Variants in SRGAP2B observed in about 807,000 individuals in gnomAD.
SRGAP2B encodes SLIT-ROBO Rho GTPase activating protein 2B.
A neutral mutation model predicts 22.2 loss-of-function variants in SRGAP2B; 9 were observed. The observed-to-expected ratio is 0.41, with a 90% CI of 0.24 to 0.71. SRGAP2B has a LOEUF of 0.71. SRGAP2B is among the 30% of genes least tolerant of loss of function. The pLI is 0.35. For missense variants in SRGAP2B, 114 were observed against 235.8 expected (o/e 0.48, Z 3.38); for synonymous variants, 36 against 87.4 (o/e 0.41, Z 3.28).
chr1:144,911,619 A>ATTTT (rs1319087786), intron 5 of SRGAP2B, among the ~76,000 whole-genome samples: 1 of 135,648 alleles, frequency 7.4e-6, no homozygotes, highest in African/African-American at 2.9e-5. Context: ...CTGAACTGCT[A>ATTTT]TTTTTTTTTT....
chr1:144,970,659 A>AC (rs1331560464), intron 3 of SRGAP2B, among the ~76,000 whole-genome samples: 5 of 145,802 alleles, frequency 3.4e-5, no homozygotes, highest in Non-Finnish European at 7.5e-5. Context: ...AAAAAAAAAA[A>AC]GCATGATTCA....
rs880000002 is a variant in SRGAP2B, at chr1:145,041,891, ATTGTTGG to A, written c.68-46698_68-46692del. On this transcript the variant is annotated intron_variant, in intron 2 of 9. Transcript: ENST00000612199. ...AGGTACTCAGCATAGTACCAGGCAC[ATTGTTGG>A]TGTTCCATGAATGTAGAATGAAATT... Among the ~76,000 whole-genome samples the A allele has an allele frequency of 4.3e-3, 598 of 139,096 alleles. 13 individuals carry two copies. Among genetic ancestry groups the A allele is most frequent in the Admixed American group, 7.7e-3 (112 of 14,484 alleles). 91.3% of individuals were successfully genotyped at this position (139,096 alleles called of 152,430 possible). A position where few individuals can be genotyped will look rare whatever the true frequency, so the allele number is the denominator to read the frequency against.
chr1:145,025,041 T>C (rs1166659944), intron 2 of SRGAP2B, among the ~76,000 whole-genome samples: 1 of 138,662 alleles, frequency 7.2e-6, no homozygotes, highest in African/African-American at 2.9e-5. Flanking sequence ...TTTACGAAAA[T>C]GAAGAGTTCC....
chr1:145,076,300 T>C lies in SRGAP2B; in HGVS notation c.67+16535A>G, dbSNP rs587635133. 2.2e-4 allele frequency among the ~76,000 whole-genome samples: 33 copies of C among 149,686 alleles called. 2 individuals carry two copies. In the South Asian group the frequency reaches 6.5e-3, roughly 30 times the overall value. ...CCTCAGCCTCCAGAGTAGCTGGGACTATAGGTACACATCACCATGCCTGGC... is the reference window on the plus strand; with the variant it reads ...CCTCAGCCTCCAGAGTAGCTGGGACCATAGGTACACATCACCATGCCTGGC... On this transcript the variant is annotated intron_variant, in intron 2 of 9. Coordinates refer to ENST00000612199, the Ensembl canonical transcript of SRGAP2B.
rs372772776 is a variant in SRGAP2B, at chr1:144,974,861, A to AGATGCTGATGCTGATGCT, written c.261-19278_261-19261dup. 1.4e-3 allele frequency among the ~76,000 whole-genome samples: 203 copies of AGATGCTGATGCTGATGCT among 148,498 alleles called. 1 individual carries two copies. Among genetic ancestry groups the AGATGCTGATGCTGATGCT allele is most frequent in the African/African-American group, 4.6e-3 (178 of 38,354 alleles). On this transcript the variant is annotated intron_variant, in intron 3 of 9. Coordinates refer to ENST00000612199, the Ensembl canonical transcript of SRGAP2B. ...AGACAATCATGGCCTACAGCTGAGC[A>AGATGCTGATGCTGATGCT]GATGCTGATGCTGATGCTGATGCTG...
intron 2 of SRGAP2B, among the ~76,000 whole-genome samples, chr1:145,035,753 G>GA (rs1166790390): frequency 5.2e-4 from 59 of 112,904 alleles, no homozygotes; most frequent in East Asian, 1.8e-3. Flanking sequence ...ACCTTTATAG[G>GA]AAAAAAAAAA....
At chr1:144,926,698 T>G (rs1216525191) in intron 4 of SRGAP2B, among the ~76,000 whole-genome samples, 538 of 141,616 alleles carry the variant, frequency 3.8e-3, no homozygotes, top group African/African-American at 0.012. Context: ...TTACAAAAAA[T>G]AAAAAATAAG....
chr1:145,015,146 G>A lies in SRGAP2B; in HGVS notation c.68-19946C>T, dbSNP rs1265747381. 1.6e-4 allele frequency among the ~76,000 whole-genome samples: 21 copies of A among 131,202 alleles called. 2 individuals carry two copies. The highest frequency in any genetic ancestry group is 1.3e-3 in the Admixed American group (17 of 12,954). 86.1% of individuals were successfully genotyped at this position (131,202 alleles called of 152,430 possible). ...GGCTGGAGTACAGTGGCATGATCTC[G>A]GCTCACTGCGGCCTCTGCCTCCTGG... is the stretch of plus-strand genomic sequence containing the variant. On this transcript the variant is annotated intron_variant, in intron 2 of 9. Transcript: ENST00000612199.
intron 2 of SRGAP2B, among the ~76,000 whole-genome samples, chr1:145,035,953 A>C (rs1648653229): frequency 1.4e-5 from 2 of 143,708 alleles, no homozygotes; most frequent in African/African-American, 2.6e-5. Flanking sequence ...AAAAAAAAAA[A>C]AACCCACGAT....
chr1:144,925,298 C>A, intron 4 of SRGAP2B, among the ~76,000 whole-genome samples: 1 of 148,340 alleles, frequency 6.7e-6, no homozygotes, highest in East Asian at 2.0e-4. Flanking sequence ...AGCCACCATG[C>A]CCAGCCTGGA....
exon 4 of SRGAP2B, chr1:144,955,477 C>G (rs1667187856): frequency 6.8e-7 from 1 of 1,465,312 alleles, no homozygotes; most frequent in Non-Finnish European, 9.3e-7. Flanking sequence ...CTGACTTGTA[C>G]AAATCGAGGA....
At chr1:144,916,079 CT>C (rs1327558405) in intron 4 of SRGAP2B, among the ~76,000 whole-genome samples, 1 of 149,284 alleles carries the variant, frequency 6.7e-6, no homozygotes, top group African/African-American at 2.5e-5. Context: ...TTAAAAAATA[CT>C]TTTTTTTCTG....
intron 4 of SRGAP2B, among the ~76,000 whole-genome samples, chr1:144,915,419 T>C (rs1306126692): frequency 1.3e-5 from 2 of 150,570 alleles, no homozygotes. Flanking sequence ...TCTAACTACA[T>C]AGAGCAGTAG....
intron 3 of SRGAP2B, among the ~76,000 whole-genome samples, chr1:144,966,101 G>A (rs1238091242): frequency 1.4e-5 from 2 of 146,774 alleles, no homozygotes; most frequent in Non-Finnish European, 3.0e-5. Flanking sequence ...CCCCAATCTA[G>A]CAAGGCAGGC....
chr1:145,016,836 A>C (rs1571017454), intron 2 of SRGAP2B, among the ~76,000 whole-genome samples: 2 of 149,066 alleles, frequency 1.3e-5, no homozygotes, highest in African/African-American at 5.0e-5. Context: ...AAAGAAAAGC[A>C]CTCAAGTTTT....
At chr1:144,941,213 GTTTT>G (rs1666017796) in intron 4 of SRGAP2B, among the ~76,000 whole-genome samples, 2 of 143,340 alleles carry the variant, frequency 1.4e-5, no homozygotes, top group East Asian at 2.0e-4. Context: ...AAGCTGAAGG[GTTTT>G]TTGTTTGTTT....
intron 2 of SRGAP2B, among the ~76,000 whole-genome samples, chr1:145,020,898 C>T (rs1264036928): frequency 6.7e-6 from 1 of 149,410 alleles, no homozygotes; most frequent in East Asian, 1.9e-4. Flanking sequence ...CTCCCTGGTT[C>T]AAGCAATTCT....
At chr1:144,965,719 G>C (rs1474456372) in intron 3 of SRGAP2B, among the ~76,000 whole-genome samples, 1 of 136,098 alleles carries the variant, frequency 7.3e-6, no homozygotes, top group Admixed American at 7.3e-5. Context: ...TCAAACCAAA[G>C]GCAAAGAAGT....
intron 3 of SRGAP2B, among the ~76,000 whole-genome samples, chr1:144,973,215 T>C (rs1339778063): frequency 1.3e-5 from 2 of 149,128 alleles, no homozygotes; most frequent in Non-Finnish European, 2.9e-5. Flanking sequence ...TTTATGTGTA[T>C]ATAAGTATAT....
Sources: allele counts gnomAD v4.1 joint callset (sites outside exome capture counted in the v4.1 genomes callset), GRCh38; gene constraint gnomAD v4.1.1; transcripts MANE v1.5; gene names NCBI Gene and HGNC (gene_info 2026-07-23, HGNC 2026-07-21).